The following PIGF variants were observed in gnomAD, a reference collection of about 807,000 sequenced individuals.
The protein encoded by PIGF is phosphatidylinositol glycan anchor biosynthesis class F, also known as GPI ethanolamine phosphate transferase, stabilizing subunit.
Under a neutral mutation model 26.0 loss-of-function variants are expected in PIGF, and 23 were observed. The ratio of observed to expected loss-of-function variants is 0.88; its 90% CI spans 0.64 to 1.25. The LOEUF (loss-of-function observed/expected upper bound fraction) is 1.25, where lower values mean the gene tolerates loss of function less well. Ranked by LOEUF, PIGF falls within the 50% of genes most tolerant of loss-of-function variation. PIGF has a pLI of 0.00. For missense variants in PIGF, 278 were observed against 249.9 expected (o/e 1.11, Z -0.76); for synonymous variants, 93 against 92.6 (o/e 1.00, Z -0.03).
chr2:46,614,264 C>T (rs1670533685), intron 2 of PIGF: 1 of 152,540 alleles, frequency 6.6e-6, no homozygotes, highest in Admixed American at 6.5e-5. Flanking sequence ...ATTACACAAC[C>T]CGTATGAAAA....
rs138221049 is a variant in PIGF at position 46,581,493 on chromosome 2, T to C, written c.645A>G (p.Thr215=). 6.1e-5 allele frequency: 98 copies of C among 1,611,174 alleles called. No homozygotes were observed. The African/African-American group carries it at 1.2e-3, about 19-fold the overall frequency. Residue 215 remains threonine, a synonymous_variant, in exon 6 of 6, where the codon ACA becomes ACG. Transcript: ENST00000281382. ...TTTGCTCCAGTTAATTGTTCTTGTA[T>C]GTAAGTTGCTTTCTATTCCAGTATA... ...LWIYWNRKQL[T]YKNN
Position 46,588,257 on chromosome 2 carries a change from G to T in PIGF, c.546+4218C>A, listed in dbSNP as rs1669637868. On this transcript the variant is annotated intron_variant, in intron 5 of 5. Coordinates refer to ENST00000281382, the MANE Select transcript of PIGF (RefSeq NM_002643.4). The surrounding 1 kb of genome is among the most constrained non-coding windows in gnomAD (Gnocchi z 4.1). Reference sequence around the variant, plus strand: ...GGCATAACTAAATACCAGAGAAATAGATAAATTAACAGTCCACTCTACCAA... The same window carrying T: ...GGCATAACTAAATACCAGAGAAATATATAAATTAACAGTCCACTCTACCAA... 2 of 1,566,682 alleles carry T rather than the reference G, an allele frequency of 1.3e-6. No homozygotes were observed. Among genetic ancestry groups the T allele is most frequent in the South Asian group, 1.2e-5 (1 of 85,286 alleles).
At chr2:46,613,098 A>T (rs969636005) in intron 3 of PIGF, among the ~76,000 whole-genome samples, 1 of 151,694 alleles carries the variant, frequency 6.6e-6, no homozygotes, top group Non-Finnish European at 1.5e-5. Context: ...ATGTGTGTGT[A>T]TATGTATATG....
At chr2:46,613,576 C>A in intron 3 of PIGF, 118 bp downstream of exon 3, 1 of 656,658 alleles carries the variant, frequency 1.5e-6, no homozygotes, top group Non-Finnish European at 2.5e-6. Context: ...TGTTGGTGTC[C>A]TTACTTGATC....
chr2:46,604,072 C>CA (rs1670143170), intron 4 of PIGF, among the ~76,000 whole-genome samples: 1 of 151,854 alleles, frequency 6.6e-6, no homozygotes, highest in Admixed American at 6.6e-5. Context: ...AGACATTTCT[C>CA]AAAAAAAGAC....
intron 4 of PIGF, among the ~76,000 whole-genome samples, chr2:46,600,779 T>C (rs941934491): frequency 2.6e-5 from 4 of 152,092 alleles, no homozygotes; most frequent in Admixed American, 2.0e-4. Context: ...ATGTTACTTA[T>C]AGAGATACAG....
chr2:46,614,014 T>A (rs968361892), intron 2 of PIGF: 5 of 434,376 alleles, frequency 1.2e-5, no homozygotes, highest in Non-Finnish European at 2.1e-5. Context: ...ATTCTACCCA[T>A]CCGACCTACA....
chr2:46,612,312 A>C lies in PIGF; in HGVS notation c.353T>G (p.Ile118Ser), dbSNP rs1186533956. 2.0e-6 allele frequency: 3 copies of C among 1,467,062 alleles called. No individual in the cohort carries two copies. The African/African-American group carries it at 4.3e-5, about 21-fold the overall frequency. The allele number at this position is 1,467,062 out of a possible 1,614,324, so 90.9% of individuals were successfully genotyped here. ...AGGCACAGTAGTAAAAGTAGACAAA[A>C]TAACTGCAAATAAAAATGTTTCCAA... is the stretch of plus-strand genomic sequence containing the variant. ...LALETFLFAVILSTFTTVPCL... is the reference protein window; with the variant it reads ...LALETFLFAVSLSTFTTVPCL... Residue 118 changes from isoleucine to serine, a missense_variant, in exon 4 of 6, where the codon ATT (isoleucine) becomes AGT (serine). Physicochemically the swap from Ile to Ser is moderately radical, Grantham distance 142. Transcript: ENST00000281382.
chr2:46,605,942 T>C (rs770201034), intron 4 of PIGF, among the ~76,000 whole-genome samples: 3 of 152,208 alleles, frequency 2.0e-5, no homozygotes, highest in Admixed American at 6.5e-5. Context: ...TGATATTATA[T>C]AAAATGTTTC....
chr2:46,590,225 C>T (rs563668937), intron 5 of PIGF, among the ~76,000 whole-genome samples: 1 of 152,134 alleles, frequency 6.6e-6, no homozygotes, highest in East Asian at 1.9e-4. Context: ...CAAATGGAAA[C>T]TTTACATTAA....
intron 4 of PIGF, among the ~76,000 whole-genome samples, chr2:46,607,391 G>A (rs1031408757): frequency 2.0e-5 from 3 of 152,152 alleles, no homozygotes; most frequent in African/African-American, 7.2e-5. Flanking sequence ...ATACCTTTTA[G>A]ATACTGCAGA....
intron 4 of PIGF, among the ~76,000 whole-genome samples, chr2:46,592,911 C>T (rs68104662): frequency 0.23 from 35,294 of 152,032 alleles, 4,931 homozygotes; most frequent in African/African-American, 0.4. Flanking sequence ...TAAATTATTA[C>T]ATATTCTTCC....
chr2:46,616,531 C>A (rs1168409358), intron 1 of PIGF: 1 of 153,132 alleles, frequency 6.5e-6, no homozygotes, highest in Non-Finnish European at 1.5e-5. Context: ...CCTGGCGTGC[C>A]CCCAGGACGC....
At chr2:46,611,840 C>T (rs1465329754) in intron 4 of PIGF, among the ~76,000 whole-genome samples, 3 of 152,162 alleles carry the variant, frequency 2.0e-5, no homozygotes, top group African/African-American at 7.2e-5. Flanking sequence ...CCACTTCTAC[C>T]TTATAAAATG....
At position 46,589,329 on chromosome 2, in the gene PIGF, T is replaced by C. The variant is rs1669663235; in HGVS notation, c.546+3146A>G. On this transcript the variant is annotated intron_variant, in intron 5 of 5. Coordinates refer to ENST00000281382, the MANE Select transcript of PIGF (RefSeq NM_002643.4). This position sits in a 1 kb window ranked among gnomAD's most constrained non-coding sequence, Gnocchi z 4.7. ...ACATATTTTCAGTGGGCCTTTCCAGTCATTTAATGAAGAAATTATTTTAAA... is the reference window on the plus strand; with the variant it reads ...ACATATTTTCAGTGGGCCTTTCCAGCCATTTAATGAAGAAATTATTTTAAA... Among the ~76,000 whole-genome samples the C allele has an allele frequency of 6.6e-6, 1 of 152,076 alleles. No homozygotes were observed. The highest frequency in any genetic ancestry group is 2.1e-4 in the South Asian group (1 of 4,836).
intron 3 of PIGF, among the ~76,000 whole-genome samples, chr2:46,613,043 A>AATATATATAT (rs140332220): frequency 1.4e-3 from 202 of 148,338 alleles, no homozygotes; most frequent in South Asian, 1.7e-3. Context: ...ACTATGTATA[A>AATATATATAT]ATATATATAT....
rs1305582644 is a variant in PIGF at position 46,588,892 on chromosome 2, CA to C, written c.546+3582del. Among the ~76,000 whole-genome samples the C allele has an allele frequency of 6.6e-6, 1 of 152,004 alleles. No homozygotes were observed. The highest frequency in any genetic ancestry group is 1.5e-5 in the Non-Finnish European group (1 of 67,920). On this transcript the variant is annotated intron_variant, in intron 5 of 5. Coordinates refer to ENST00000281382, the MANE Select transcript of PIGF (RefSeq NM_002643.4). This position sits in a 1 kb window ranked among gnomAD's most constrained non-coding sequence, Gnocchi z 4.1. ...TATGCTATGCATACAGTAATAACAA[CA>C]AATACTTATTGATTAGCTATTTAGT...
chr2:46,616,322 T>C (rs1670625940), intron 1 of PIGF: 1 of 152,284 alleles, frequency 6.6e-6, no homozygotes, highest in Non-Finnish European at 1.5e-5. Context: ...TATCTTAAGC[T>C]GATTGAGGGA....
rs758570490 is a variant in PIGF, at chr2:46,592,483, G to T, written c.538C>A (p.Pro180Thr). 5.7e-6 allele frequency: 9 copies of T among 1,575,588 alleles called. No homozygotes were observed. The highest frequency in any genetic ancestry group is 7.9e-6 in the Non-Finnish European group (9 of 1,144,786). Reference sequence around the variant, plus strand: ...AAGTAACTGAAACCAACCTGCCATGGTCTTTCCCAATCCAGTGGAATAGGA... The same window carrying T: ...AAGTAACTGAAACCAACCTGCCATGTTCTTTCCCAATCCAGTGGAATAGGA... ...ALPIPLDWER[P>T]WQVWPISCTL... The change falls in exon 5 of 6, where the codon CCA becomes ACA. Residue 180 changes from proline (P) to threonine (T), a missense_variant. Physicochemically the swap from Pro to Thr is conservative, Grantham distance 38. Transcript: ENST00000281382.
Sources: gnomAD v4.1 joint callset for allele counts (sites outside exome capture counted in the v4.1 genomes callset) on GRCh38, gnomAD v4.1.1 for gene constraint, Gnocchi (gnomAD v3.1) non-coding constraint, MANE v1.5 for transcripts, NCBI Gene and HGNC (gene_info 2026-07-23, HGNC 2026-07-21) for gene names.